CCND3: variants seen among roughly 807,000 people sequenced by gnomAD.
CCND3 encodes G1/S-specific cyclin-D3.
In CCND3, 9 loss-of-function variants were observed where a neutral mutation model predicts 28.7. The ratio of observed to expected loss-of-function variants is 0.31; its 90% confidence interval spans 0.19 to 0.55. CCND3 has a LOEUF of 0.55. Ranked by LOEUF, CCND3 falls within the 20% of genes least tolerant of loss-of-function variation. CCND3 has a pLI of 0.93. For missense variants in CCND3, 315 were observed against 385.8 expected, an observed-to-expected ratio of 0.82 and a Z score of 1.54; for synonymous variants, 164 against 163.9, an observed-to-expected ratio of 1.00 and a Z score of 0.00.
chr6:42,009,870 C>T (rs1468694534), intron 1 of CCND3, among the ~76,000 whole-genome samples: 1 of 152,068 alleles, frequency 6.6e-6, no homozygotes, highest in Admixed American at 6.6e-5. Flanking sequence ...AAAGTGTGGT[C>T]CCTATACCAG....
chr6:41,936,472 G>A lies in CCND3; in HGVS notation c.711+87C>T, dbSNP rs890063565. On this transcript the variant is annotated intron_variant, in intron 4 of 4. Coordinates refer to ENST00000372991, the MANE Select transcript of CCND3 (RefSeq NM_001760.5). This position sits in a 1 kb window ranked among gnomAD's most constrained non-coding sequence, Gnocchi z 4.4. ...GAAACCAGGACTTGGGACCAGGTTG[G>A]GGTTGGAGGTTTCCCTCTACTGGAG... 5 of 1,473,300 alleles carry A rather than the reference G, an allele frequency of 3.4e-6. No individual in the cohort carries two copies. The African/African-American group carries it at 5.6e-5, about 16-fold the overall frequency. The allele number at this position is 1,473,300 out of a possible 1,614,324, so 91.3% of individuals were successfully genotyped here. A position where few individuals can be genotyped will look rare whatever the true frequency, so the allele number is the denominator to read the frequency against.
chr6:42,034,610 T>C (rs1764148814), intron 1 of CCND3, among the ~76,000 whole-genome samples: 1 of 150,710 alleles, frequency 6.6e-6, no homozygotes, highest in Admixed American at 6.7e-5. Flanking sequence ...CCCGAGTAGC[T>C]GGGACTACAG....
Position 41,938,363 on chromosome 6 carries a change from A to G in CCND3, c.415-969T>C, listed in dbSNP as rs1328501984. ...ACCCAACCTCTTCCAGGCCCCAGCCACAGCTGTCTCTCTCTTGGCCCCAGC... is the reference window on the plus strand; with the variant it reads ...ACCCAACCTCTTCCAGGCCCCAGCCGCAGCTGTCTCTCTCTTGGCCCCAGC... On this transcript the variant is annotated intron_variant, in intron 2 of 4. Coordinates refer to ENST00000372991, the MANE Select transcript of CCND3 (RefSeq NM_001760.5). This position sits in a 1 kb window ranked among gnomAD's most constrained non-coding sequence, Gnocchi z 4.6. 1 of 152,254 alleles carries G rather than the reference A, an allele frequency of 6.6e-6. No homozygotes were observed. The highest frequency in any genetic ancestry group is 6.5e-5 in the Admixed American group (1 of 15,278). The allele number at this position is 152,254 out of a possible 1,614,324, so 9.4% of individuals were successfully genotyped here. A position where few individuals can be genotyped will look rare whatever the true frequency, so the allele number is the denominator to read the frequency against.
chr6:41,994,709 G>A (rs1375841198), intron 1 of CCND3, among the ~76,000 whole-genome samples: 3 of 152,056 alleles, frequency 2.0e-5, no homozygotes, highest in Admixed American at 2.0e-4. Flanking sequence ...GTGCATGTAT[G>A]GCGTAGGAAT....
At chr6:41,959,276 T>A (rs1421511447) in intron 1 of CCND3, among the ~76,000 whole-genome samples, 1 of 151,726 alleles carries the variant, frequency 6.6e-6, no homozygotes, top group African/African-American at 2.4e-5. Context: ...ATTGCCTCAT[T>A]GCACTCCAAC....
intron 1 of CCND3, among the ~76,000 whole-genome samples, chr6:42,014,300 G>A (rs566357400): frequency 3.3e-5 from 5 of 151,964 alleles, no homozygotes; most frequent in African/African-American, 1.2e-4. Flanking sequence ...CCCGGGGGGC[G>A]GAGCCTGCAG....
intron 1 of CCND3, among the ~76,000 whole-genome samples, chr6:41,978,151 G>T (rs1245931027): frequency 6.6e-6 from 1 of 151,650 alleles, no homozygotes; most frequent in East Asian, 1.9e-4. Context: ...GAGACGGGTG[G>T]ATCACGAGGT....
At chr6:41,987,501 CTCTCTCTCTCTCTCTCTGTGTG>C (rs1262874832) in intron 1 of CCND3, among the ~76,000 whole-genome samples, 30 of 84,700 alleles carry the variant, frequency 3.5e-4, no homozygotes, top group Admixed American at 7.2e-4. Context: ...CTCTCTCTCT[CTCTCTCTCTCTCTCTCTGTGTG>C]TGTGTGTGTG....
chr6:41,982,997 G>A (rs1762392396), intron 1 of CCND3, among the ~76,000 whole-genome samples: 1 of 151,256 alleles, frequency 6.6e-6, no homozygotes, highest in Non-Finnish European at 1.5e-5. Context: ...ACTCCTAAAA[G>A]ATAGCACAGA....
chr6:42,008,401 C>T (rs1297911479), intron 1 of CCND3, among the ~76,000 whole-genome samples: 6 of 152,054 alleles, frequency 3.9e-5, no homozygotes, highest in African/African-American at 1.4e-4. Context: ...AAGAAAAGTA[C>T]CTCTTGAGAC....
chr6:41,942,676 T>C (rs184682048), upstream of CCND3, among the ~76,000 whole-genome samples: 387 of 152,050 alleles, frequency 2.5e-3, 3 homozygotes, highest in African/African-American at 8.8e-3. Flanking sequence ...GATCTACCGG[T>C]TGCATTTCTT....
upstream of CCND3, among the ~76,000 whole-genome samples, chr6:41,945,947 C>T (rs1776156790): frequency 6.6e-6 from 1 of 152,098 alleles, no homozygotes; most frequent in African/African-American, 2.4e-5. Context: ...ATCCATAACC[C>T]CTCTAAGAAA....
intron 1 of CCND3, among the ~76,000 whole-genome samples, chr6:41,988,852 C>T (rs1762567404): frequency 6.6e-6 from 1 of 151,318 alleles, no homozygotes; most frequent in Non-Finnish European, 1.5e-5. Context: ...GCGCCTGCCA[C>T]CGCGCCCAGC....
intron 1 of CCND3, among the ~76,000 whole-genome samples, chr6:42,046,649 C>T (rs1053309055): frequency 2.6e-5 from 4 of 152,124 alleles, no homozygotes; most frequent in Non-Finnish European, 5.9e-5. Context: ...CGCACACACG[C>T]GCGCGCACAC....
chr6:42,002,728 C>T (rs897537145), intron 1 of CCND3, among the ~76,000 whole-genome samples: 5 of 151,950 alleles, frequency 3.3e-5, no homozygotes, highest in African/African-American at 1.2e-4. Flanking sequence ...GTGGCGGGCA[C>T]CTGTGGTCCC....
intron 1 of CCND3, among the ~76,000 whole-genome samples, chr6:42,023,219 G>C (rs1199126185): frequency 6.6e-6 from 1 of 152,174 alleles, no homozygotes; most frequent in Non-Finnish European, 1.5e-5. Context: ...AGTCTACTTA[G>C]TGCCACCTTT....
intron 1 of CCND3, among the ~76,000 whole-genome samples, chr6:41,966,854 C>G (rs961018639): frequency 6.6e-6 from 1 of 152,138 alleles, no homozygotes; most frequent in Middle Eastern, 3.2e-3. Flanking sequence ...AAGCCCTCTA[C>G]AGCATGAATA....
In CCND3 at chr6:41,935,623, G is replaced by GA; in HGVS notation, c.*316_*317insT. 4.3e-6 allele frequency: 2 copies of GA among 470,168 alleles called. No individual in the cohort carries two copies. 29.1% of individuals were successfully genotyped at this position (470,168 alleles called of 1,614,324 possible). ...ACATGAGAGCCCCCAGGGGTGGGGGGGGGCGTTCAAAAGGAATGCTGGTGT... is the reference window on the plus strand; with the variant it reads ...ACATGAGAGCCCCCAGGGGTGGGGGGAGGGCGTTCAAAAGGAATGCTGGTGT... On this transcript the variant is annotated 3_prime_UTR_variant, in exon 5 of 5. Transcript: ENST00000372991.
chr6:42,011,146 C>T (rs950643675), intron 1 of CCND3: 4 of 152,156 alleles, frequency 2.6e-5, no homozygotes, highest in African/African-American at 9.7e-5. Flanking sequence ...GACTGAGAAT[C>T]TCACTCTGTC....
Sources: gnomAD v4.1 joint callset for allele counts (sites outside exome capture counted in the v4.1 genomes callset) on GRCh38, gnomAD v4.1.1 for gene constraint, Gnocchi (gnomAD v3.1) non-coding constraint, MANE v1.5 for transcripts, NCBI Gene and HGNC (gene_info 2026-07-23, HGNC 2026-07-21) for gene names.